The following XKR6 variants were observed in gnomAD, a reference collection of about 807,000 sequenced individuals.
XKR6 encodes the protein XK-related protein 6.
In XKR6, 22 loss-of-function variants were observed where a neutral mutation model predicts 56.7. The observed-to-expected ratio is 0.39, with a 90% confidence interval of 0.28 to 0.55. The LOEUF (loss-of-function observed/expected upper bound fraction) is 0.55, where lower values mean the gene tolerates loss of function less well. Among genes scored for constraint, XKR6 ranks in the 20% least tolerant of loss-of-function variants. The pLI is 0.66. For synonymous variants in XKR6, 524 were observed against 387.8 expected (o/e 1.35, Z -4.13); for missense variants, 852 against 889.0 (o/e 0.96, Z 0.53).
intron 1 of XKR6, among the ~76,000 whole-genome samples, chr8:11,085,817 C>T (rs1219236973): frequency 6.6e-6 from 1 of 152,170 alleles, no homozygotes; most frequent in African/African-American, 2.4e-5. Context: ...CAGCTCGAAG[C>T]CACTGCCGCC....
At chr8:11,011,974 G>C (rs77378513) in intron 1 of XKR6, among the ~76,000 whole-genome samples, 5,274 of 152,304 alleles carry the variant, frequency 0.035, 307 homozygotes, top group African/African-American at 0.12. Flanking sequence ...GAACAAATGA[G>C]CCAAAATGCT....
At chr8:11,169,077 G>A (rs1332319412) in intron 1 of XKR6, among the ~76,000 whole-genome samples, 2 of 152,126 alleles carry the variant, frequency 1.3e-5, no homozygotes, top group Non-Finnish European at 2.9e-5. Context: ...CTCCTGAGTG[G>A]TCCCAGGCCA....
chr8:11,059,589 T>C (rs936022915), intron 1 of XKR6, among the ~76,000 whole-genome samples: 10 of 151,016 alleles, frequency 6.6e-5, no homozygotes, highest in Admixed American at 3.9e-4. Flanking sequence ...CGCGCGGCGG[T>C]GCCAGTGGAG....
intron 1 of XKR6, among the ~76,000 whole-genome samples, chr8:11,193,114 G>C (rs191238519): frequency 1.9e-3 from 294 of 152,314 alleles, no homozygotes; most frequent in Admixed American, 3.3e-3. Flanking sequence ...TCCTCCAAGA[G>C]GGTGGTGAAG....
At chr8:11,120,607 C>G (rs1392156192) in intron 1 of XKR6, among the ~76,000 whole-genome samples, 4 of 152,108 alleles carry the variant, frequency 2.6e-5, no homozygotes, top group Non-Finnish European at 4.4e-5. Flanking sequence ...AATGGCCATA[C>G]TGCCCAAGGT....
intron 1 of XKR6, chr8:11,114,178 AT>A: frequency 5.5e-6 from 2 of 364,692 alleles, no homozygotes; most frequent in Non-Finnish European, 5.2e-6. Flanking sequence ...ATTAGAAGCC[AT>A]TTTTATCACA....
At chr8:11,125,532 G>A (rs1182951750) in intron 1 of XKR6, among the ~76,000 whole-genome samples, 1 of 152,122 alleles carries the variant, frequency 6.6e-6, no homozygotes, top group East Asian at 1.9e-4. Context: ...GGGCCATAAC[G>A]GAGATGATGT....
chr8:11,180,544 A>C (rs1247840904), intron 1 of XKR6, among the ~76,000 whole-genome samples: 1 of 152,238 alleles, frequency 6.6e-6, no homozygotes, highest in East Asian at 1.9e-4. Flanking sequence ...CAAGTAAAGG[A>C]AACAGCATGT....
chr8:11,093,929 G>A lies in XKR6; in HGVS notation c.764+106647C>T, dbSNP rs575715439. Among the ~76,000 whole-genome samples the A allele has an allele frequency of 1.6e-4, 25 of 151,898 alleles. No individual in the cohort carries two copies. The South Asian group carries it at 4.8e-3, about 29-fold the overall frequency. ...CTCCCAAGTAGCTGGGACTACAGGTGTCCGCCACCACGCCAGACTAATTTT... is the reference window on the plus strand; with the variant it reads ...CTCCCAAGTAGCTGGGACTACAGGTATCCGCCACCACGCCAGACTAATTTT... On this transcript the variant is annotated intron_variant, in intron 1 of 2. Coordinates refer to ENST00000416569, the MANE Select transcript of XKR6 (RefSeq NM_173683.4).
chr8:11,067,534 C>T (rs907896137), intron 1 of XKR6, among the ~76,000 whole-genome samples: 1 of 152,166 alleles, frequency 6.6e-6, no homozygotes, highest in African/African-American at 2.4e-5. Flanking sequence ...CACAGTGAAA[C>T]ATTATTTATC....
chr8:11,141,217 G>T (rs938472113), intron 1 of XKR6, among the ~76,000 whole-genome samples: 2 of 152,192 alleles, frequency 1.3e-5, no homozygotes, highest in Admixed American at 6.5e-5. Context: ...TATGTGTATT[G>T]TGGGACAAAG....
Position 10,898,936 on chromosome 8 carries a change from C to T in XKR6, c.962-20G>A. On this transcript the variant is annotated intron_variant, in intron 2 of 2. Transcript: ENST00000416569. The surrounding 1 kb of genome is among the most constrained non-coding windows in gnomAD (Gnocchi z 6.6). ...AGACACCTGCCGGAAAGACACAAAC[C>T]CACACAGTCAAAACCTTGGACATCA... 1 of 1,578,716 alleles carries T rather than the reference C, an allele frequency of 6.3e-7. No individual in the cohort carries two copies. Among genetic ancestry groups the T allele is most frequent in the Non-Finnish European group, 8.6e-7 (1 of 1,165,030 alleles).
At chr8:11,153,837 C>T (rs1018983384) in intron 1 of XKR6, among the ~76,000 whole-genome samples, 2 of 152,206 alleles carry the variant, frequency 1.3e-5, no homozygotes, top group African/African-American at 4.8e-5. Flanking sequence ...GATCCTCATG[C>T]TCCTTTCCTC....
intron 2 of XKR6, among the ~76,000 whole-genome samples, chr8:10,906,062 A>C (rs1397080809): frequency 2.6e-5 from 4 of 152,234 alleles, no homozygotes; most frequent in Non-Finnish European, 4.4e-5. Context: ...CCACACAGCT[A>C]GTAAGCAAGA....
At chr8:10,982,021 G>A (rs940534702) in intron 1 of XKR6, among the ~76,000 whole-genome samples, 1 of 152,212 alleles carries the variant, frequency 6.6e-6, no homozygotes, top group East Asian at 1.9e-4. Context: ...TGCACTAAAG[G>A]CTGTGATCAC....
chr8:10,905,348 G>C (rs1247759044), intron 2 of XKR6, among the ~76,000 whole-genome samples: 1 of 152,132 alleles, frequency 6.6e-6, no homozygotes, highest in Admixed American at 6.5e-5. Context: ...ATTGGGATCT[G>C]CTCTGTCCTT....
chr8:10,945,070 A>G lies in XKR6; in HGVS notation c.765-20240T>C, dbSNP rs1368314049. The stretch of plus-strand genomic sequence containing the variant: ...TTCTGTAAACATCCCAGGGCTCGGG[A>G]GAGCATTGCCTGGGTGAAACTGGCT... On this transcript the variant is annotated intron_variant, in intron 1 of 2. Coordinates refer to ENST00000416569, the MANE Select transcript of XKR6 (RefSeq NM_173683.4). Among the ~76,000 whole-genome samples, 8 of 152,294 alleles carry G rather than the reference A, an allele frequency of 5.3e-5. No homozygotes were observed. The East Asian group carries it at 1.5e-3, about 29-fold the overall frequency.
intron 1 of XKR6, among the ~76,000 whole-genome samples, chr8:11,129,218 C>A (rs1799982026): frequency 6.6e-6 from 1 of 152,154 alleles, no homozygotes; most frequent in Non-Finnish European, 1.5e-5. Context: ...TCTTACACGC[C>A]ACTGAATTGT....
chr8:10,977,799 T>C (rs1398077802), intron 1 of XKR6, among the ~76,000 whole-genome samples: 1 of 151,606 alleles, frequency 6.6e-6, no homozygotes, highest in Non-Finnish European at 1.5e-5. Context: ...AGCACATACC[T>C]TCCAAGTGTG....
Sources: allele counts gnomAD v4.1 joint callset (sites outside exome capture counted in the v4.1 genomes callset), GRCh38; gene constraint gnomAD v4.1.1; non-coding constraint Gnocchi (gnomAD v3.1); transcripts MANE v1.5; gene names NCBI Gene and HGNC (gene_info 2026-07-23, HGNC 2026-07-21).